The following STX8 variants were observed in gnomAD, a reference collection of about 807,000 sequenced individuals.
STX8 encodes syntaxin-8.
A neutral mutation model predicts 37.5 loss-of-function variants in STX8; 23 were observed. The ratio of observed to expected loss-of-function variants is 0.61; its 90% CI spans 0.44 to 0.87. The LOEUF is 0.87. Among genes scored for constraint, STX8 ranks in the 40% least tolerant of loss-of-function variants. The probability of loss-of-function intolerance (pLI) is 0.00; values close to 1 mark genes in which losing one functional copy is unlikely to be tolerated. For synonymous variants in STX8, 115 were observed against 99.1 expected (o/e 1.16, Z -0.95); for missense variants, 313 against 284.7 (o/e 1.10, Z -0.71).
chr17:9,320,991 G>A (rs1909558300), intron 7 of STX8, among the ~76,000 whole-genome samples: 1 of 151,114 alleles, frequency 6.6e-6, no homozygotes, highest in Non-Finnish European at 1.5e-5. Flanking sequence ...GAGTGCAAAC[G>A]TTATCAACAG....
chr17:9,321,537 T>C (rs1207501375), intron 7 of STX8, among the ~76,000 whole-genome samples: 2 of 151,980 alleles, frequency 1.3e-5, no homozygotes, highest in Non-Finnish European at 2.9e-5. Flanking sequence ...ATTTATTTAT[T>C]GAGATAGAGT....
chr17:9,493,486 G>A (rs1267761641), intron 5 of STX8, among the ~76,000 whole-genome samples: 1 of 152,128 alleles, frequency 6.6e-6, no homozygotes, highest in Non-Finnish European at 1.5e-5. Flanking sequence ...CCTCGGGCAG[G>A]TTTATAACAA....
At chr17:9,564,899 C>A (rs1016411543) in intron 2 of STX8, among the ~76,000 whole-genome samples, 2 of 152,190 alleles carry the variant, frequency 1.3e-5, no homozygotes, top group Non-Finnish European at 2.9e-5. Flanking sequence ...ATAGCCAAGG[C>A]AATCCTAAGC....
chr17:9,519,311 C>T (rs924461572), intron 4 of STX8, among the ~76,000 whole-genome samples: 2 of 152,160 alleles, frequency 1.3e-5, no homozygotes, highest in African/African-American at 4.8e-5. Context: ...TCTTCTCGTA[C>T]GCTCTCTATT....
At chr17:9,343,859 T>A (rs1910450435) in intron 7 of STX8, among the ~76,000 whole-genome samples, 2 of 152,154 alleles carry the variant, frequency 1.3e-5, no homozygotes, top group Admixed American at 6.5e-5. Flanking sequence ...GAAATATTAA[T>A]TCCAGGTTAA....
At chr17:9,421,980 C>T (rs1913447900) in intron 6 of STX8, among the ~76,000 whole-genome samples, 1 of 152,098 alleles carries the variant, frequency 6.6e-6, no homozygotes, top group Non-Finnish European at 1.5e-5. Flanking sequence ...GCCAGCTTTC[C>T]CTTTGTCTTC....
chr17:9,326,718 A>G (rs1162417836), intron 7 of STX8, among the ~76,000 whole-genome samples: 1 of 152,220 alleles, frequency 6.6e-6, no homozygotes, highest in African/African-American at 2.4e-5. Flanking sequence ...GGGACATGGG[A>G]GACTGCATGG....
At chr17:9,443,284 T>C (rs1904728275) in intron 6 of STX8, among the ~76,000 whole-genome samples, 1 of 152,182 alleles carries the variant, frequency 6.6e-6, no homozygotes, top group Admixed American at 6.5e-5. Flanking sequence ...AAAGCAGCCA[T>C]AGGGCCTTCA....
In STX8 at chr17:9,272,089, C is replaced by T. The variant is rs367591574; in HGVS notation, c.644-21444G>A. ...CTCTTGCTGTCCTAATCCACACCCACGCCAATATCCCTCAGCCTCATTTCC... is the reference window on the plus strand; with the variant it reads ...CTCTTGCTGTCCTAATCCACACCCATGCCAATATCCCTCAGCCTCATTTCC... On this transcript the variant is annotated intron_variant, in intron 7 of 7. Coordinates refer to ENST00000306357, the MANE Select transcript of STX8 (RefSeq NM_004853.3). Among the ~76,000 whole-genome samples the T allele has an allele frequency of 1.8e-4, 27 of 152,282 alleles. No homozygotes were observed. In the East Asian group the frequency reaches 2.5e-3, roughly 14 times the overall value.
At chr17:9,393,193 T>C (rs72816165) in intron 6 of STX8, among the ~76,000 whole-genome samples, 3 of 152,148 alleles carry the variant, frequency 2.0e-5, no homozygotes, top group East Asian at 3.9e-4. Context: ...GAAGGAAGTA[T>C]AGCACCAGTT....
rs551672781 is a variant in STX8 at position 9,450,328 on chromosome 17, G to A, written c.541+41501C>T. Among the ~76,000 whole-genome samples the A allele has an allele frequency of 4.0e-4, 60 of 151,560 alleles. 1 individual carries two copies. In the South Asian group the frequency reaches 6.2e-3, roughly 16 times the overall value. On this transcript the variant is annotated intron_variant, in intron 6 of 7. Coordinates refer to ENST00000306357, the MANE Select transcript of STX8 (RefSeq NM_004853.3). ...TGACCTCAAGTAATCTGCCCGCCTC[G>A]GCCTCCCAAAGTGCTGGGATTACAG...
chr17:9,275,613 T>C (rs977946751), intron 7 of STX8, among the ~76,000 whole-genome samples: 38 of 152,326 alleles, frequency 2.5e-4, no homozygotes, highest in African/African-American at 8.7e-4. Context: ...CTCATGCCTG[T>C]GATCCCAGCA....
chr17:9,266,028 C>G (rs1185199313), intron 7 of STX8, among the ~76,000 whole-genome samples: 1 of 152,098 alleles, frequency 6.6e-6, no homozygotes, highest in African/African-American at 2.4e-5. Flanking sequence ...AACCAGACAT[C>G]CTAGAGTGGG....
rs61265699 is a variant in STX8, at chr17:9,284,593, A to T, written c.644-33948T>A. 1.4e-3 allele frequency among the ~76,000 whole-genome samples: 208 copies of T among 152,314 alleles called. 1 individual carries two copies. Among genetic ancestry groups the T allele is most frequent in the African/African-American group, 4.8e-3 (198 of 41,570 alleles). On this transcript the variant is annotated intron_variant, in intron 7 of 7. Coordinates refer to ENST00000306357, the MANE Select transcript of STX8 (RefSeq NM_004853.3). ...TATGAGCAATGACAGTTGTTTAAAA[A>T]ATTTTTTTTCTTTAAAAGTGTATAA...
intron 3 of STX8, among the ~76,000 whole-genome samples, chr17:9,552,358 A>C (rs2151914049): frequency 6.6e-6 from 1 of 152,266 alleles, no homozygotes; most frequent in South Asian, 2.1e-4. Flanking sequence ...GTCAGAAAAA[A>C]AGTTCTTATA....
intron 6 of STX8, among the ~76,000 whole-genome samples, chr17:9,421,938 T>C (rs1273459664): frequency 6.6e-6 from 1 of 152,050 alleles, no homozygotes; most frequent in African/African-American, 2.4e-5. Flanking sequence ...CCCTTTGTTC[T>C]CTCTTCCTCC....
intron 6 of STX8, among the ~76,000 whole-genome samples, chr17:9,415,908 C>T (rs1913176475): frequency 6.6e-6 from 1 of 152,236 alleles, no homozygotes; most frequent in East Asian, 1.9e-4. Flanking sequence ...CCATTTCCAG[C>T]TTCTATGCTG....
At chr17:9,420,982 C>T (rs1913403411) in intron 6 of STX8, among the ~76,000 whole-genome samples, 1 of 152,130 alleles carries the variant, frequency 6.6e-6, no homozygotes, top group Admixed American at 6.5e-5. Flanking sequence ...CTCTGACCTC[C>T]CTTGAAATGA....
intron 6 of STX8, among the ~76,000 whole-genome samples, chr17:9,406,304 AAC>A (rs1398654470): frequency 1.3e-5 from 2 of 152,192 alleles, no homozygotes; most frequent in African/African-American, 4.8e-5. Context: ...TATTGCACTA[AAC>A]ACAAAAAATA....
Sources: allele counts gnomAD v4.1 joint callset (sites outside exome capture counted in the v4.1 genomes callset), GRCh38; gene constraint gnomAD v4.1.1; transcripts MANE v1.5; gene names NCBI Gene and HGNC (gene_info 2026-07-23, HGNC 2026-07-21).